PDE11A: variants seen among roughly 807,000 people sequenced by gnomAD.
PDE11A encodes the protein dual 3',5'-cyclic-AMP and -GMP phosphodiesterase 11A.
PDE11A carries 100 observed loss-of-function variants against 100.5 expected under a neutral mutation model. The ratio of observed to expected loss-of-function variants is 1.00; its 90% CI spans 0.85 to 1.18. The LOEUF (loss-of-function observed/expected upper bound fraction) is 1.18. PDE11A is among the 50% of genes most tolerant of loss of function. The probability of loss-of-function intolerance (pLI) is 0.00; values close to 1 mark genes in which losing one functional copy is unlikely to be tolerated. For missense variants in PDE11A, 1,141 were observed against 1,152.6 expected (o/e 0.99, Z 0.15); for synonymous variants, 381 against 420.8 (o/e 0.91, Z 1.16).
At chr2:178,041,177 C>T (rs2086678703) in intron 1 of PDE11A, among the ~76,000 whole-genome samples, 1 of 151,814 alleles carries the variant, frequency 6.6e-6, no homozygotes, top group African/African-American at 2.4e-5. Flanking sequence ...TGGGCTCAAG[C>T]AATGCTCCTG....
chr2:177,632,664 C>T (rs1473478539), intron 19 of PDE11A, among the ~76,000 whole-genome samples: 2 of 152,050 alleles, frequency 1.3e-5, no homozygotes, highest in Admixed American at 6.5e-5. Flanking sequence ...TCTATTTGGC[C>T]CTCTTGACTC....
rs371434526 is a variant in PDE11A, at chr2:177,853,635, CATATATATATATATATATATATAT to C, written c.1368-13276_1368-13253del. On this transcript the variant is annotated intron_variant, in intron 5 of 19. Coordinates refer to ENST00000286063, the MANE Select transcript of PDE11A (RefSeq NM_016953.4). ...GGGCACACCTTCCCAACAAGTCCTG[CATATATATATATATATATATATAT>C]ATATATATATATATATATATATGTG... Among the ~76,000 whole-genome samples, 90 of 36,218 alleles carry C rather than the reference CATATATATATATATATATATATAT, an allele frequency of 2.5e-3. 4 individuals are homozygous for C. Among genetic ancestry groups the C allele is most frequent in the African/African-American group, 7.3e-3 (70 of 9,574 alleles). The allele number at this position is 36,218 out of a possible 152,430, so 23.8% of individuals were successfully genotyped here.
chr2:178,072,719 G>A lies in PDE11A; in HGVS notation c.-282C>T, dbSNP rs971594219. On this transcript the variant is annotated 5_prime_UTR_variant, in exon 1 of 20. Coordinates refer to ENST00000286063, the MANE Select transcript of PDE11A (RefSeq NM_016953.4). Reference sequence around the variant, plus strand: ...GCCCCGGCTCCTGTTCCGGAAACCCGAGCTATCGCTGCTCCTGTTCTGGCT... The same window carrying A: ...GCCCCGGCTCCTGTTCCGGAAACCCAAGCTATCGCTGCTCCTGTTCTGGCT... The A allele has an allele frequency of 7.3e-7, 1 of 1,373,244 alleles. No homozygotes were observed. The highest frequency in any genetic ancestry group is 1.5e-5 in the African/African-American group (1 of 68,448). The allele number at this position is 1,373,244 out of a possible 1,614,324, so 85.1% of individuals were successfully genotyped here.
At chr2:177,729,906 G>C (rs2081656555) in intron 10 of PDE11A, among the ~76,000 whole-genome samples, 1 of 151,088 alleles carries the variant, frequency 6.6e-6, no homozygotes, top group Admixed American at 6.6e-5. Flanking sequence ...TAGTTACCAT[G>C]AGGCTTAGCT....
intron 7 of PDE11A, 135 bp downstream of exon 7, chr2:177,820,085 A>G: frequency 1.6e-6 from 1 of 626,492 alleles, no homozygotes. Context: ...TTATGAAATT[A>G]TACGAGAGTG....
chr2:177,967,203 T>A (rs904652389), intron 2 of PDE11A, among the ~76,000 whole-genome samples: 2 of 143,830 alleles, frequency 1.4e-5, no homozygotes, highest in African/African-American at 5.1e-5. Flanking sequence ...CCTTTGTCTT[T>A]TTTTTTTTTT....
chr2:177,818,153 T>A (rs2083074568), intron 7 of PDE11A, among the ~76,000 whole-genome samples: 1 of 152,122 alleles, frequency 6.6e-6, no homozygotes, highest in African/African-American at 2.4e-5. Context: ...TTCGGAGTTC[T>A]ACCAAGGCTT....
chr2:177,759,288 T>C (rs1290308712), intron 10 of PDE11A, among the ~76,000 whole-genome samples: 1 of 152,214 alleles, frequency 6.6e-6, no homozygotes, highest in Non-Finnish European at 1.5e-5. Context: ...TTGAGAGTTT[T>C]ATGTTAAAAT....
intron 13 of PDE11A, chr2:177,702,495 C>T (rs944675463): frequency 6.6e-6 from 1 of 152,048 alleles, no homozygotes; most frequent in Admixed American, 6.6e-5. Context: ...CAGGGGGCTT[C>T]GATATTGAAA....
chr2:177,793,547 A>G (rs2082661906), intron 9 of PDE11A, among the ~76,000 whole-genome samples: 1 of 151,270 alleles, frequency 6.6e-6, no homozygotes. Context: ...CAAAAAAAAA[A>G]AAAAAAAAAA....
chr2:178,001,387 T>C (rs2086144095), intron 2 of PDE11A, among the ~76,000 whole-genome samples: 1 of 151,854 alleles, frequency 6.6e-6, no homozygotes, highest in African/African-American at 2.4e-5. Flanking sequence ...TTCAGAAAGC[T>C]GCACTCAAAA....
At chr2:177,916,650 G>T (rs2084957088) in intron 2 of PDE11A, among the ~76,000 whole-genome samples, 1 of 152,272 alleles carries the variant, frequency 6.6e-6, no homozygotes, top group African/African-American at 2.4e-5. Flanking sequence ...CTCAAAGTGG[G>T]CTCTCTAGTG....
chr2:177,841,721 T>C (rs919514944), intron 5 of PDE11A, among the ~76,000 whole-genome samples: 6 of 152,218 alleles, frequency 3.9e-5, no homozygotes, highest in Non-Finnish European at 8.8e-5. Context: ...TTATTGCATA[T>C]TAAACATTAA....
intron 2 of PDE11A, chr2:177,998,797 C>G (rs2086108967): frequency 1.4e-6 from 1 of 702,088 alleles, no homozygotes. Flanking sequence ...AGGGCCTGCT[C>G]CCACTATCTT....
intron 2 of PDE11A, among the ~76,000 whole-genome samples, chr2:177,935,994 ATTTTG>A (rs2085267805): frequency 6.6e-6 from 1 of 152,026 alleles, no homozygotes; most frequent in African/African-American, 2.4e-5. Context: ...TCTTTATATA[ATTTTG>A]CTTTATTTTC....
At chr2:177,792,491 T>C (rs1574147510) in intron 9 of PDE11A, among the ~76,000 whole-genome samples, 1 of 152,314 alleles carries the variant, frequency 6.6e-6, no homozygotes, top group Non-Finnish European at 1.5e-5. Flanking sequence ...GGATTACCAT[T>C]ATGCTTTGAG....
At chr2:177,851,167 A>C (rs908571713) in intron 5 of PDE11A, among the ~76,000 whole-genome samples, 34 of 152,194 alleles carry the variant, frequency 2.2e-4, no homozygotes, top group Non-Finnish European at 4.7e-4. Context: ...CTGGATTAAG[A>C]AAATGTGGCA....
chr2:177,992,031 T>G (rs376512611), intron 2 of PDE11A, among the ~76,000 whole-genome samples: 1 of 151,344 alleles, frequency 6.6e-6, no homozygotes, highest in East Asian at 1.9e-4. Context: ...TGATAACCTC[T>G]TAGAGGCTTC....
chr2:177,710,818 G>A (rs927922564), intron 13 of PDE11A, among the ~76,000 whole-genome samples: 1 of 152,204 alleles, frequency 6.6e-6, no homozygotes, highest in Non-Finnish European at 1.5e-5. Context: ...AGAATGATGA[G>A]CTGAAAAGAA....
Sources: allele counts gnomAD v4.1 joint callset (sites outside exome capture counted in the v4.1 genomes callset), GRCh38; gene constraint gnomAD v4.1.1; transcripts MANE v1.5; gene names NCBI Gene and HGNC (gene_info 2026-07-23, HGNC 2026-07-21).